Variants in DPYD observed in about 807,000 individuals in gnomAD.
DPYD encodes dihydropyrimidine dehydrogenase, also known as dihydropyrimidine dehydrogenase [NADP(+)].
A neutral mutation model predicts 116.2 loss-of-function variants in DPYD; 109 were observed. That is an observed-to-expected ratio of 0.94 (90% confidence interval 0.80 to 1.10). DPYD has a LOEUF of 1.10. Among genes scored for constraint, DPYD ranks in the 50% least tolerant of loss-of-function variants. DPYD has a pLI of 0.00. For synonymous variants in DPYD, 440 were observed against 432.0 expected (o/e 1.02, Z -0.23); for missense variants, 1,302 against 1,254.5 (o/e 1.04, Z -0.57).
At chr1:97,618,321 G>C (rs1290530494) in intron 8 of DPYD, among the ~76,000 whole-genome samples, 2 of 150,950 alleles carry the variant, frequency 1.3e-5, no homozygotes, top group Non-Finnish European at 2.9e-5. Flanking sequence ...AGCATGTCCT[G>C]ACATTTTATT....
intron 8 of DPYD, among the ~76,000 whole-genome samples, chr1:97,650,311 G>C (rs1248507189): frequency 1.3e-5 from 2 of 152,060 alleles, no homozygotes; most frequent in African/African-American, 2.4e-5. Flanking sequence ...CATTACTCCA[G>C]TAGAAAAAGG....
At chr1:97,662,224 G>A (rs539756895) in intron 8 of DPYD, among the ~76,000 whole-genome samples, 104 of 150,610 alleles carry the variant, frequency 6.9e-4, no homozygotes, top group African/African-American at 2.5e-3. Flanking sequence ...ATGGTCTCTC[G>A]ATCTCCTGAC....
At chr1:97,135,999 C>T (rs1321383431) in intron 20 of DPYD, among the ~76,000 whole-genome samples, 1 of 152,314 alleles carries the variant, frequency 6.6e-6, no homozygotes, top group East Asian at 1.9e-4. Context: ...GAGTCCAGTT[C>T]CCTCAGTTCA....
intron 8 of DPYD, among the ~76,000 whole-genome samples, chr1:97,668,206 T>G (rs1007663475): frequency 6.6e-6 from 1 of 152,158 alleles, no homozygotes; most frequent in Non-Finnish European, 1.5e-5. Flanking sequence ...ATTTAAAATA[T>G]TTTTTAAGAA....
At chr1:97,679,912 A>G (rs1253182187) in intron 7 of DPYD, among the ~76,000 whole-genome samples, 1 of 152,166 alleles carries the variant, frequency 6.6e-6, no homozygotes. Flanking sequence ...CCCAAAGGAA[A>G]CTATGGTCAT....
intron 16 of DPYD, among the ~76,000 whole-genome samples, chr1:97,342,923 A>G (rs142061949): frequency 6.6e-6 from 1 of 152,232 alleles, no homozygotes; most frequent in African/African-American, 2.4e-5. Context: ...TATTTTTATG[A>G]TAGAGCACAC....
chr1:97,352,683 T>C (rs994572047), intron 16 of DPYD, among the ~76,000 whole-genome samples: 1 of 152,154 alleles, frequency 6.6e-6, no homozygotes, highest in Admixed American at 6.5e-5. Flanking sequence ...CCTTCCCTAC[T>C]TTGTGGGATG....
At chr1:97,486,090 A>G (rs1243332562) in intron 13 of DPYD, among the ~76,000 whole-genome samples, 1 of 152,186 alleles carries the variant, frequency 6.6e-6, no homozygotes, top group Non-Finnish European at 1.5e-5. Flanking sequence ...AAATACCCAG[A>G]TTATGTGACA....
intron 14 of DPYD, among the ~76,000 whole-genome samples, chr1:97,433,526 G>GT (rs1675296612): frequency 6.6e-6 from 1 of 152,044 alleles, no homozygotes; most frequent in Non-Finnish European, 1.5e-5. Flanking sequence ...CAGATTTTAG[G>GT]TAAGTTTTTT....
intron 5 of DPYD, among the ~76,000 whole-genome samples, chr1:97,706,096 T>C (rs1661934635): frequency 6.6e-6 from 1 of 151,998 alleles, no homozygotes; most frequent in African/African-American, 2.4e-5. Flanking sequence ...TTATATGAAT[T>C]TGTCATTCCT....
intron 5 of DPYD, among the ~76,000 whole-genome samples, chr1:97,712,770 T>C (rs975651916): frequency 6.6e-6 from 1 of 152,100 alleles, no homozygotes; most frequent in Non-Finnish European, 1.5e-5. Flanking sequence ...ACCAAATCAC[T>C]GTACCATAGA....
intron 8 of DPYD, among the ~76,000 whole-genome samples, chr1:97,601,730 A>G (rs1453729207): frequency 1.3e-5 from 2 of 152,052 alleles, no homozygotes; most frequent in African/African-American, 4.8e-5. Flanking sequence ...GAATAGATCA[A>G]TGATGGCCTA....
intron 5 of DPYD, among the ~76,000 whole-genome samples, chr1:97,706,052 T>C (rs1661931610): frequency 6.6e-6 from 1 of 152,172 alleles, no homozygotes. Flanking sequence ...TATATTTCTC[T>C]AATTTTTCAA....
At chr1:97,407,609 G>A (rs1469262528) in intron 14 of DPYD, among the ~76,000 whole-genome samples, 2 of 152,098 alleles carry the variant, frequency 1.3e-5, no homozygotes, top group East Asian at 1.9e-4. Context: ...TGCCAACTAG[G>A]TGACAAAGCT....
At chr1:97,177,598 A>C (rs1014818260) in intron 20 of DPYD, among the ~76,000 whole-genome samples, 13 of 149,506 alleles carry the variant, frequency 8.7e-5, no homozygotes, top group African/African-American at 3.2e-4. Flanking sequence ...CCTATAAGAT[A>C]TATATATCCT....
intron 1 of DPYD, among the ~76,000 whole-genome samples, chr1:97,906,008 A>T (rs944408382): frequency 6.6e-6 from 1 of 151,636 alleles, no homozygotes; most frequent in African/African-American, 2.4e-5. Flanking sequence ...ACATGTTCTT[A>T]AGTAGGGAAC....
chr1:97,903,345 T>C (rs957576877), intron 1 of DPYD, among the ~76,000 whole-genome samples: 2 of 151,952 alleles, frequency 1.3e-5, no homozygotes, highest in Non-Finnish European at 2.9e-5. Context: ...GAATGAATGA[T>C]AACCCCCTAA....
At chr1:97,345,398 C>T (rs75306259) in intron 16 of DPYD, among the ~76,000 whole-genome samples, 8,363 of 151,892 alleles carry the variant, frequency 0.055, 269 homozygotes, top group Middle Eastern at 0.12. Context: ...TTTTTGTATA[C>T]CCTTAAATGT....
intron 20 of DPYD, among the ~76,000 whole-genome samples, chr1:97,153,527 A>C (rs1231223622): frequency 6.6e-6 from 1 of 152,132 alleles, no homozygotes; most frequent in Non-Finnish European, 1.5e-5. Flanking sequence ...TAAATCTAAG[A>C]CCTGAAGCCA....
Sources: gnomAD v4.1 joint callset for allele counts (sites outside exome capture counted in the v4.1 genomes callset) on GRCh38, gnomAD v4.1.1 for gene constraint, MANE v1.5 for transcripts, NCBI Gene and HGNC (gene_info 2026-07-23, HGNC 2026-07-21) for gene names.